The following ERI2 variants were observed in gnomAD, a reference collection of about 807,000 sequenced individuals.
The protein encoded by ERI2 is ERI1 exoribonuclease 2.
Under a neutral mutation model 46.8 loss-of-function variants are expected in ERI2, and 35 were observed. The ratio of observed to expected loss-of-function variants is 0.75; its 90% CI spans 0.57 to 0.99. The LOEUF (loss-of-function observed/expected upper bound fraction) is 0.99, where lower values mean the gene tolerates loss of function less well. Ranked by LOEUF, ERI2 falls within the 50% of genes least tolerant of loss-of-function variation. The pLI, the probability that ERI2 is intolerant of heterozygous loss-of-function variation, is 0.00. For synonymous variants in ERI2, 224 were observed against 271.0 expected (o/e 0.83, Z 1.70); for missense variants, 695 against 796.2 (o/e 0.87, Z 1.53).
intron 10 of ERI2, chr16:20,786,169 C>T (rs13306605): frequency 3.7e-6 from 6 of 1,608,630 alleles, no homozygotes; most frequent in Admixed American, 3.4e-5. Context: ...GTTTGCACAT[C>T]CCCTTCCAGG....
Position 20,798,647 on chromosome 16 carries a change from G to A in ERI2, c.1153C>T (p.Pro385Ser). 7.1e-6 allele frequency: 11 copies of A among 1,551,626 alleles called. No homozygotes were observed. The highest frequency in any genetic ancestry group is 9.6e-6 in the Non-Finnish European group (11 of 1,146,910). Reference sequence around the variant, plus strand: ...AAATCAGAAACATGATGAACAGTTGGAACGGTGGTAGAAACAAGTACCAAT... The same window carrying A: ...AAATCAGAAACATGATGAACAGTTGAAACGGTGGTAGAAACAAGTACCAAT... ...SELVLVSTTV[P>S]TVHHVSDLEM... The change falls in exon 9 of 9, where the codon CCA becomes TCA. Residue 385 changes from proline to serine, a missense_variant. By Grantham distance (74) the Pro-to-Ser change is moderately conservative (BLOSUM62 -1). Coordinates refer to ENST00000357967, the MANE Select transcript of ERI2 (RefSeq NM_001142725.2).
chr16:20,804,593 G>C (rs1296416768), intron 1 of ERI2, among the ~76,000 whole-genome samples: 3 of 152,084 alleles, frequency 2.0e-5, no homozygotes, highest in African/African-American at 7.2e-5. Flanking sequence ...TTGAGCCCGG[G>C]AGGTGGAGAC....
chr16:20,803,368 C>T, intron 3 of ERI2, 65 bp downstream of exon 3: 6 of 1,532,008 alleles, frequency 3.9e-6, no homozygotes, highest in Non-Finnish European at 5.3e-6. Context: ...TTGGCTGATT[C>T]AGATCTATAA....
chr16:20,790,662 C>T lies in ERI2; in HGVS notation c.815+188G>A. ...TGGCATTCAAGTTCTACCCAACCGA[C>T]CATTTGGCCTTTTTACTCATTACGT... On this transcript the variant is annotated intron_variant, in intron 9 of 10. Coordinates refer to the ERI2 transcript ENST00000300005. This position sits in a 1 kb window ranked among gnomAD's most constrained non-coding sequence, Gnocchi z 4.0. 6.2e-7 allele frequency: 1 copy of T among 1,614,144 alleles called. No individual in the cohort carries two copies. The highest frequency in any genetic ancestry group is 8.5e-7 in the Non-Finnish European group (1 of 1,179,992).
intron 1 of ERI2, 77 bp downstream of exon 1, chr16:20,806,331 G>T: frequency 6.5e-7 from 1 of 1,535,730 alleles, no homozygotes; most frequent in Non-Finnish European, 8.8e-7. Flanking sequence ...GATGCCACCT[G>T]CCGTGCCCTG....
rs1386800539 is a variant in ERI2, at chr16:20,796,464, C to G, written c.*1260G>C. 1 of 1,613,384 alleles carries G rather than the reference C, an allele frequency of 6.2e-7. No individual in the cohort carries two copies. Among genetic ancestry groups the G allele is most frequent in the Non-Finnish European group, 8.5e-7 (1 of 1,179,862 alleles). On this transcript the variant is annotated 3_prime_UTR_variant, in exon 9 of 9. Coordinates refer to ENST00000357967, the MANE Select transcript of ERI2 (RefSeq NM_001142725.2). ...ATTCAGGAGCATGTTAAAAAAACTA[C>G]AGCACCTTACAAATATCCCAGAAAG...
Position 20,797,575 on chromosome 16 carries a change from C to T in ERI2, c.*149G>A, listed in dbSNP as rs2080744906. The T allele has an allele frequency of 7.7e-7, 1 of 1,290,690 alleles. No individual in the cohort carries two copies. Among genetic ancestry groups the T allele is most frequent in the Non-Finnish European group, 9.8e-7 (1 of 1,020,944 alleles). 80.0% of individuals were successfully genotyped at this position (1,290,690 alleles called of 1,614,324 possible). A position where few individuals can be genotyped will look rare whatever the true frequency, so the allele number is the denominator to read the frequency against. On this transcript the variant is annotated 3_prime_UTR_variant, in exon 9 of 9. Coordinates refer to ENST00000357967, the MANE Select transcript of ERI2 (RefSeq NM_001142725.2). ...TATGTAATCTAATAAATACTGTTTA[C>T]AAAAGATTACACTTGTGGTTCCTGA...
At position 20,790,733 on chromosome 16, in the gene ERI2, G is replaced by C. The variant is rs376251336; in HGVS notation, c.815+117C>G. 4 of 1,613,816 alleles carry C rather than the reference G, an allele frequency of 2.5e-6. No individual in the cohort carries two copies. The highest frequency in any genetic ancestry group is 3.4e-6 in the Non-Finnish European group (4 of 1,179,814). On this transcript the variant is annotated intron_variant, in intron 9 of 10. Coordinates refer to the ERI2 transcript ENST00000300005. The surrounding 1 kb of genome is among the most constrained non-coding windows in gnomAD (Gnocchi z 4.0). ...ATCTCATTTTCTATTTATTTCTCAA[G>C]TGCTTGGTAACAATCCCTGTTTGCC...
At chr16:20,788,160 G>A (rs2152481063) in intron 10 of ERI2, among the ~76,000 whole-genome samples, 1 of 151,954 alleles carries the variant, frequency 6.6e-6, no homozygotes, top group Admixed American at 6.6e-5. Flanking sequence ...AGAAAAAATG[G>A]TAGGAGAGCC....
At chr16:20,784,834 T>C (rs1052842566) in intron 10 of ERI2, 1 of 676,316 alleles carries the variant, frequency 1.5e-6, no homozygotes, top group Non-Finnish European at 2.3e-6. Context: ...GTTGTATATG[T>C]TTATGGGGTA....
intron 10 of ERI2, chr16:20,780,749 A>C (rs779399195): frequency 6.2e-7 from 1 of 1,614,200 alleles, no homozygotes; most frequent in South Asian, 1.1e-5. Flanking sequence ...GTGAAGACAA[A>C]ACACAATGAG....
intron 1 of ERI2, chr16:20,806,111 C>T (rs2080866215): frequency 7.5e-7 from 1 of 1,325,440 alleles, no homozygotes; most frequent in Admixed American, 3.9e-5. Flanking sequence ...CTGTCACGTC[C>T]AGTCGTTTCC....
At chr16:20,801,957 C>A (rs1007189837) in intron 4 of ERI2, among the ~76,000 whole-genome samples, 3 of 151,706 alleles carry the variant, frequency 2.0e-5, no homozygotes, top group Admixed American at 2.0e-4. Flanking sequence ...CGGGGTTTTG[C>A]CAAGTTGGCC....
chr16:20,802,717 TA>T, intron 4 of ERI2, 78 bp downstream of exon 4: 2 of 1,470,840 alleles, frequency 1.4e-6, no homozygotes, highest in Non-Finnish European at 1.8e-6. Context: ...TAACACTAAA[TA>T]AATCTAATTT....
chr16:20,797,827 C>T lies in ERI2; in HGVS notation c.1973G>A (p.Gly658Glu). Residue 658 changes from glycine to glutamate, a missense_variant, in exon 9 of 9, where the codon GGG becomes GAG. By Grantham distance (98) the Gly-to-Glu change is moderately conservative (BLOSUM62 -2). Transcript: ENST00000357967. ...TTCTGGAGAACTAAAAGTGAGTCCC[C>T]CTGTGGAATGAGATGGAACCATGCT... ...ANSMVPSHST[G>E]GLTFSSPETS... 2 of 1,551,400 alleles carry T rather than the reference C, an allele frequency of 1.3e-6. No homozygotes were observed. Among genetic ancestry groups the T allele is most frequent in the African/African-American group, 2.7e-5 (2 of 73,116 alleles).
At chr16:20,793,083 T>A (rs2080637955), downstream of ERI2, among the ~76,000 whole-genome samples, 1 of 152,190 alleles carries the variant, frequency 6.6e-6, no homozygotes. Context: ...GTATTCAAGC[T>A]CCTTATCTCA....
chr16:20,792,291 G>A (rs1379613718), downstream of ERI2: 6 of 1,614,106 alleles, frequency 3.7e-6, no homozygotes, highest in Non-Finnish European at 5.1e-6. Flanking sequence ...CCCTTCAGTT[G>A]CAGAGTCAGC....
At chr16:20,792,495 A>G, downstream of ERI2, 1 of 981,764 alleles carries the variant, frequency 1.0e-6, no homozygotes, top group Non-Finnish European at 1.2e-6. Context: ...ACAAAATAAG[A>G]TTGAATTATG....
In ERI2 at chr16:20,798,396, A is replaced by T. The variant is rs923860958; in HGVS notation, c.1404T>A (p.Ser468=). The T allele has an allele frequency of 1.9e-6, 3 of 1,550,446 alleles. No homozygotes were observed. In the African/African-American group the frequency reaches 4.1e-5, roughly 21 times the overall value. The change falls in exon 9 of 9, where the codon TCT becomes TCA. Residue 468 remains serine, a synonymous_variant. Transcript: ENST00000357967. ...FGDIEETPQK[S]ETSKSIVYKS... is the part of the protein sequence containing the mutation. ...TGTACACAATAGACTTAGAAGTCTC[A>T]GATTTTTGAGGAGTTTCCTCTATGT...
Sources: gnomAD v4.1 joint callset for allele counts (sites outside exome capture counted in the v4.1 genomes callset) on GRCh38, gnomAD v4.1.1 for gene constraint, Gnocchi (gnomAD v3.1) non-coding constraint, MANE v1.5 for transcripts, NCBI Gene and HGNC (gene_info 2026-07-23, HGNC 2026-07-21) for gene names.